Variants in HPSE2 observed in about 807,000 individuals in gnomAD.
HPSE2 encodes inactive heparanase-2.
Under a neutral mutation model 60.5 loss-of-function variants are expected in HPSE2, and 38 were observed. The ratio of observed to expected loss-of-function variants is 0.63; its 90% CI spans 0.48 to 0.82. The LOEUF is 0.82. Ranked by LOEUF, HPSE2 falls within the 40% of genes least tolerant of loss-of-function variation. The pLI is 0.00. For missense variants in HPSE2, 713 were observed against 740.4 expected (o/e 0.96, Z 0.43); for synonymous variants, 295 against 293.2 (o/e 1.01, Z -0.06).
chr10:99,282,483 G>A, the HPSE2 span, among the ~76,000 whole-genome samples: 2 of 152,058 alleles, frequency 1.3e-5, no homozygotes, highest in East Asian at 3.9e-4. Flanking sequence ...AGATCACCGA[G>A]GACATAGAGG....
chr10:98,997,733 C>G (rs896792066), intron 3 of HPSE2, among the ~76,000 whole-genome samples: 7 of 152,182 alleles, frequency 4.6e-5, no homozygotes, highest in African/African-American at 1.7e-4. Context: ...ATTTCATGCG[C>G]ACTAAAGTGC....
At chr10:98,811,733 G>A (rs1038565026) in intron 3 of HPSE2, among the ~76,000 whole-genome samples, 20 of 152,064 alleles carry the variant, frequency 1.3e-4, no homozygotes, top group African/African-American at 4.6e-4. Context: ...GATTTTGAAC[G>A]AGATTGTGTT....
chr10:98,718,729 A>G (rs142305618), intron 5 of HPSE2, among the ~76,000 whole-genome samples: 136 of 152,264 alleles, frequency 8.9e-4, no homozygotes, highest in Admixed American at 3.3e-3. Context: ...TGTAGGAGCA[A>G]ATGAAAAAGT....
intron 2 of HPSE2, among the ~76,000 whole-genome samples, chr10:99,153,352 G>A (rs1339039191): frequency 6.6e-6 from 1 of 152,198 alleles, no homozygotes; most frequent in Admixed American, 6.5e-5. Context: ...AAATGTCCCT[G>A]TCTGACAGCT....
chr10:98,533,612 G>C (rs1943194174), intron 9 of HPSE2, among the ~76,000 whole-genome samples: 1 of 152,114 alleles, frequency 6.6e-6, no homozygotes, highest in Non-Finnish European at 1.5e-5. Context: ...CAAGAAAGAA[G>C]AAAACCTTAG....
intron 7 of HPSE2, among the ~76,000 whole-genome samples, chr10:98,632,829 T>A (rs1310804794): frequency 6.6e-6 from 1 of 152,226 alleles, no homozygotes; most frequent in South Asian, 2.1e-4. Flanking sequence ...CCCATAAAAC[T>A]CAGAACACTC....
chr10:98,792,813 A>G (rs1201515024), intron 3 of HPSE2, among the ~76,000 whole-genome samples: 4 of 152,190 alleles, frequency 2.6e-5, no homozygotes, highest in African/African-American at 9.6e-5. Context: ...TAATTTACTC[A>G]GAGAGACATT....
intron 3 of HPSE2, among the ~76,000 whole-genome samples, chr10:98,896,200 G>C (rs541244042): frequency 4.6e-5 from 7 of 151,908 alleles, no homozygotes; most frequent in Non-Finnish European, 7.4e-5. Context: ...ATTGCCTACA[G>C]TTGATCCTAG....
chr10:99,157,837 T>C (rs1243353455), intron 2 of HPSE2, among the ~76,000 whole-genome samples: 1,631 of 120,730 alleles, frequency 0.014, 33 homozygotes, highest in African/African-American at 0.042. Flanking sequence ...GGGAGAAAAT[T>C]TTCGCAACCT....
intron 3 of HPSE2, among the ~76,000 whole-genome samples, chr10:99,122,925 G>A (rs561550763): frequency 1.3e-5 from 2 of 152,136 alleles, no homozygotes; most frequent in African/African-American, 4.8e-5. Context: ...CAGAAATAAA[G>A]AATAGGAAAA....
intron 5 of HPSE2, among the ~76,000 whole-genome samples, chr10:98,702,483 T>C (rs1205727016): frequency 6.6e-6 from 1 of 151,578 alleles, no homozygotes; most frequent in Admixed American, 6.6e-5. Flanking sequence ...TACAGAACTC[T>C]CCACCACAAG....
intron 4 of HPSE2, among the ~76,000 whole-genome samples, chr10:98,729,557 C>T (rs1169880769): frequency 1.3e-5 from 2 of 151,688 alleles, no homozygotes; most frequent in Admixed American, 6.6e-5. Context: ...TGCGGTGAGC[C>T]GAGATCACGC....
chr10:98,726,014 G>C (rs1032240732), intron 4 of HPSE2, among the ~76,000 whole-genome samples: 1 of 152,154 alleles, frequency 6.6e-6, no homozygotes, highest in African/African-American at 2.4e-5. Context: ...TGGAGAAATA[G>C]GAACACTTTT....
chr10:99,278,466 A>G, the HPSE2 span, among the ~76,000 whole-genome samples: 1 of 152,154 alleles, frequency 6.6e-6, no homozygotes, highest in African/African-American at 2.4e-5. Context: ...CTGGAACTCC[A>G]GTCATCATAC....
chr10:98,592,315 T>TC (rs1945112662), intron 9 of HPSE2, among the ~76,000 whole-genome samples: 1 of 152,218 alleles, frequency 6.6e-6, no homozygotes, highest in African/African-American at 2.4e-5. Flanking sequence ...TCCTCAGGAA[T>TC]CAGAATAACC....
chr10:98,967,548 T>C (rs11189909), intron 3 of HPSE2, among the ~76,000 whole-genome samples: 22,079 of 152,064 alleles, frequency 0.15, 2,314 homozygotes, highest in African/African-American at 0.29. Context: ...GAAAAAACAA[T>C]AGACATTTCC....
At chr10:98,617,911 C>T (rs1358666927) in intron 8 of HPSE2, among the ~76,000 whole-genome samples, 7 of 152,172 alleles carry the variant, frequency 4.6e-5, no homozygotes, top group Non-Finnish European at 7.3e-5. Flanking sequence ...TTTATGCATA[C>T]GTGCATGTAT....
Position 98,594,068 on chromosome 10 carries a change from AAATATGTAT to A in HPSE2, c.1320+20827_1320+20835del, listed in dbSNP as rs533932989. 4.3e-3 allele frequency among the ~76,000 whole-genome samples: 655 copies of A among 152,266 alleles called. 3 individuals carry two copies. Among genetic ancestry groups the A allele is most frequent in the African/African-American group, 0.015 (631 of 41,550 alleles). ...TATTTTTGGTGTGCAACATGTTTTGAAATATGTATAATATGTATATATTGTGAAACAGCT... is the reference window on the plus strand; with the variant it reads ...TATTTTTGGTGTGCAACATGTTTTGAAATATGTATATATTGTGAAACAGCT... On this transcript the variant is annotated intron_variant, in intron 9 of 11. Coordinates refer to ENST00000370552, the MANE Select transcript of HPSE2 (RefSeq NM_021828.5).
At position 98,592,534 on chromosome 10, in the gene HPSE2, T is replaced by C. The variant is rs566926915; in HGVS notation, c.1320+22370A>G. On this transcript the variant is annotated intron_variant, in intron 9 of 11. Coordinates refer to ENST00000370552, the MANE Select transcript of HPSE2 (RefSeq NM_021828.5). Reference sequence around the variant, plus strand: ...CCCCAGACCCCCTGGATAATTTATCTATTGCATTATTATGTGCAGTTAAAG... The same window carrying C: ...CCCCAGACCCCCTGGATAATTTATCCATTGCATTATTATGTGCAGTTAAAG... Among the ~76,000 whole-genome samples, 6 of 152,324 alleles carry C rather than the reference T, an allele frequency of 3.9e-5. No homozygotes were observed. The East Asian group carries it at 1.2e-3, about 29-fold the overall frequency.
Sources: allele counts gnomAD v4.1 joint callset (sites outside exome capture counted in the v4.1 genomes callset), GRCh38; gene constraint gnomAD v4.1.1; transcripts MANE v1.5; gene names NCBI Gene and HGNC (gene_info 2026-07-23, HGNC 2026-07-21).